ADAM22: variants seen among roughly 807,000 people sequenced by gnomAD.
ADAM22 encodes disintegrin and metalloproteinase domain-containing protein 22.
In ADAM22, 65 loss-of-function variants were observed where a neutral mutation model predicts 144.6. That is an observed-to-expected ratio of 0.45 (90% confidence interval 0.37 to 0.55). The LOEUF (loss-of-function observed/expected upper bound fraction) is 0.55. Among genes scored for constraint, ADAM22 ranks in the 20% least tolerant of loss-of-function variants. ADAM22 has a pLI of 0.00. For synonymous variants in ADAM22, 391 were observed against 412.6 expected (o/e 0.95, Z 0.63); for missense variants, 974 against 1,184.9 (o/e 0.82, Z 2.61).
Position 88,165,894 on chromosome 7 carries a change from T to G in ADAM22, c.2139T>G (p.Thr713=). The change falls in exon 24 of 32, where the codon ACT becomes ACG. Residue 713 remains threonine, a synonymous_variant. Coordinates refer to ENST00000413139, the MANE Select transcript of ADAM22 (RefSeq NM_001324418.2). The part of the protein sequence containing the change: ...NRHWIGSDCN[T]YFPHNDDAKT... The stretch of plus-strand genomic sequence containing the variant: ...ACTGGATAGGTTCTGATTGCAACAC[T>G]TACTTCCCTCACAATGATGATGCAA... 1 of 1,612,106 alleles carries G rather than the reference T, an allele frequency of 6.2e-7. No individual in the cohort carries two copies. The highest frequency in any genetic ancestry group is 8.5e-7 in the Non-Finnish European group (1 of 1,178,982).
At chr7:87,976,524 G>A (rs545572674) in intron 2 of ADAM22, among the ~76,000 whole-genome samples, 1 of 152,286 alleles carries the variant, frequency 6.6e-6, no homozygotes, top group East Asian at 1.9e-4. Context: ...CCAGCCTCCA[G>A]AACTGCAAGA....
At chr7:88,083,087 C>G (rs941114995) in intron 4 of ADAM22, among the ~76,000 whole-genome samples, 6 of 152,056 alleles carry the variant, frequency 3.9e-5, no homozygotes, top group African/African-American at 1.5e-4. Context: ...TGGAACCAAC[C>G]CAAATGTCCA....
chr7:88,080,613 A>G (rs1182060238), intron 4 of ADAM22, among the ~76,000 whole-genome samples: 5 of 152,228 alleles, frequency 3.3e-5, no homozygotes, highest in Non-Finnish European at 7.3e-5. Flanking sequence ...AGACTAATAA[A>G]GAAGAAAAGA....
At position 88,197,669 on chromosome 7, in the gene ADAM22, G is replaced by T. The variant is rs922903067; in HGVS notation, c.*1178G>T. The T allele has an allele frequency of 6.6e-6, 1 of 152,170 alleles. No individual in the cohort carries two copies. Among genetic ancestry groups the T allele is most frequent in the African/African-American group, 2.4e-5 (1 of 41,438 alleles). The allele number at this position is 152,170 out of a possible 1,614,324, so 9.4% of individuals were successfully genotyped here. On this transcript the variant is annotated 3_prime_UTR_variant, in exon 32 of 32. Coordinates refer to ENST00000413139, the MANE Select transcript of ADAM22 (RefSeq NM_001324418.2). ...AGTCACCCTTATCTGTGAAATGAAT[G>T]ACTTGTTTTAACAAAAACAACTTTG...
intron 17 of ADAM22, 43 bp downstream of exon 17, chr7:88,145,550 A>T (rs1285556029): frequency 6.8e-7 from 1 of 1,462,650 alleles, no homozygotes; most frequent in East Asian, 2.3e-5. Flanking sequence ...AAAAGGACAT[A>T]CTTGATTAAA....
intron 7 of ADAM22, among the ~76,000 whole-genome samples, chr7:88,118,637 A>ATG (rs770752628): frequency 5.0e-5 from 5 of 100,568 alleles, no homozygotes; most frequent in African/African-American, 1.7e-4. Context: ...ATATAACCTT[A>ATG]TATATCTATC....
At chr7:88,059,238 C>T (rs929748597) in intron 3 of ADAM22, among the ~76,000 whole-genome samples, 1 of 152,156 alleles carries the variant, frequency 6.6e-6, no homozygotes. Flanking sequence ...GACGCCCACC[C>T]ATCCACAACC....
At chr7:88,173,245 T>C (rs1586480105) in intron 26 of ADAM22, among the ~76,000 whole-genome samples, 1 of 152,212 alleles carries the variant, frequency 6.6e-6, no homozygotes, top group East Asian at 1.9e-4. Flanking sequence ...ATGTGCCTGA[T>C]ATAATTTCAT....
intron 24 of ADAM22, among the ~76,000 whole-genome samples, chr7:88,166,940 A>C (rs1466657725): frequency 2.6e-5 from 4 of 152,160 alleles, no homozygotes; most frequent in Non-Finnish European, 5.9e-5. Context: ...TAGGTCTTGA[A>C]GTAAGAAAAT....
chr7:87,963,583 T>C (rs75824470), intron 2 of ADAM22, among the ~76,000 whole-genome samples: 4,907 of 152,106 alleles, frequency 0.032, 122 homozygotes, highest in Non-Finnish European at 0.052. Context: ...ACTGCACTGA[T>C]TTGTCTCCAG....
chr7:88,013,082 C>T (rs535493127), intron 3 of ADAM22, among the ~76,000 whole-genome samples: 116 of 152,272 alleles, frequency 7.6e-4, no homozygotes, highest in Non-Finnish European at 1.4e-3. Flanking sequence ...CTGGAATCCC[C>T]AGATGTCTCT....
At chr7:88,169,011 A>G (rs868803352) in intron 25 of ADAM22, among the ~76,000 whole-genome samples, 2 of 152,160 alleles carry the variant, frequency 1.3e-5, no homozygotes, top group South Asian at 2.1e-4. Context: ...CCATAAGTTA[A>G]TATATGTCAA....
chr7:88,045,539 T>A (rs1338812585), intron 3 of ADAM22, among the ~76,000 whole-genome samples: 2 of 152,240 alleles, frequency 1.3e-5, no homozygotes, highest in East Asian at 3.8e-4. Context: ...GTACTTTTCA[T>A]GTTTTTATGG....
At chr7:88,065,222 C>T (rs1388503841) in intron 3 of ADAM22, among the ~76,000 whole-genome samples, 4 of 151,918 alleles carry the variant, frequency 2.6e-5, no homozygotes, top group Admixed American at 2.6e-4. Flanking sequence ...TACATTCTCT[C>T]TATATAATTT....
intron 4 of ADAM22, among the ~76,000 whole-genome samples, chr7:88,102,231 T>C (rs547754201): frequency 6.6e-6 from 1 of 152,316 alleles, no homozygotes; most frequent in African/African-American, 2.4e-5. Context: ...CAATTCCAGA[T>C]TTGATCATCA....
intron 3 of ADAM22, among the ~76,000 whole-genome samples, chr7:88,032,845 T>C (rs1800624500): frequency 2.0e-5 from 3 of 152,174 alleles, no homozygotes; most frequent in Admixed American, 2.0e-4. Flanking sequence ...ACCACCCCCT[T>C]TGCTCCCTGT....
At chr7:87,944,272 G>GGCTGGTACACACAATTT (rs1163718068) in intron 2 of ADAM22, among the ~76,000 whole-genome samples, 119 of 152,076 alleles carry the variant, frequency 7.8e-4, no homozygotes, top group South Asian at 3.1e-3. Context: ...TTGGGGGTCA[G>GGCTGGTACACACAATTT]GCTGGTACAC....
intron 3 of ADAM22, among the ~76,000 whole-genome samples, chr7:88,058,033 A>C (rs1248605580): frequency 6.6e-6 from 1 of 152,254 alleles, no homozygotes; most frequent in Non-Finnish European, 1.5e-5. Context: ...GAACTCTTGC[A>C]TATATCTTTG....
intron 2 of ADAM22, among the ~76,000 whole-genome samples, chr7:87,955,977 G>A (rs529286733): frequency 2.6e-5 from 4 of 152,318 alleles, no homozygotes; most frequent in East Asian, 1.9e-4. Flanking sequence ...TAAGCCCATC[G>A]GAAAAGCGCA....
Sources: allele counts gnomAD v4.1 joint callset (sites outside exome capture counted in the v4.1 genomes callset), GRCh38; gene constraint gnomAD v4.1.1; transcripts MANE v1.5; gene names NCBI Gene and HGNC (gene_info 2026-07-23, HGNC 2026-07-21).